The following CRAT variants were observed in gnomAD, a reference collection of about 807,000 sequenced individuals.
CRAT encodes the protein carnitine O-acetyltransferase, also known as carnitine acetylase.
A neutral mutation model predicts 73.7 loss-of-function variants in CRAT; 66 were observed. The ratio of observed to expected loss-of-function variants is 0.90; its 90% CI spans 0.73 to 1.10. The LOEUF (loss-of-function observed/expected upper bound fraction) is 1.10, where lower values mean the gene tolerates loss of function less well. Among genes scored for constraint, CRAT ranks in the 50% least tolerant of loss-of-function variants. The pLI, the probability that CRAT is intolerant of heterozygous loss-of-function variation, is 0.00. For missense variants in CRAT, 745 were observed against 846.9 expected, an observed-to-expected ratio of 0.88 and a Z score of 1.49; for synonymous variants, 321 against 343.2, an observed-to-expected ratio of 0.94 and a Z score of 0.71.
Position 129,097,325 on chromosome 9 carries a change from G to T in CRAT, c.1465-13C>A. 6.4e-7 allele frequency: 1 copy of T among 1,558,906 alleles called. No individual in the cohort carries two copies. The highest frequency in any genetic ancestry group is 2.0e-5 in the Admixed American group (1 of 51,226). On this transcript the variant is annotated splice_polypyrimidine_tract_variant and intron_variant, in intron 11 of 13. Coordinates refer to ENST00000318080, the MANE Select transcript of CRAT (RefSeq NM_000755.5). ...CCTTCTGGTGCTCCTAGAGTGGTGA[G>T]GGTCAGAGGGAGCTGAAGCACTGTC...
At chr9:129,108,442 G>C in intron 1 of CRAT, 1 of 1,172,348 alleles carries the variant, frequency 8.5e-7, no homozygotes, top group South Asian at 1.9e-5. Flanking sequence ...AGTGGTGACT[G>C]TCCCTCTTGG....
intron 6 of CRAT, 43 bp from the exon 7 acceptor site, chr9:129,100,732 T>C (rs772328142): frequency 3.8e-6 from 6 of 1,583,398 alleles, no homozygotes; most frequent in Admixed American, 1.8e-5. Context: ...TGGGGTCTCA[T>C]GGTGTGGGAG....
intron 1 of CRAT, chr9:129,108,460 C>T (rs1037798064): frequency 1.9e-5 from 22 of 1,170,512 alleles, no homozygotes; most frequent in Non-Finnish European, 2.3e-5. Flanking sequence ...TGGAGGTCCC[C>T]ACGTCCTTTT....
intron 2 of CRAT, among the ~76,000 whole-genome samples, chr9:129,105,613 C>G (rs12005112): frequency 0.034 from 5,202 of 152,258 alleles, 303 homozygotes; most frequent in African/African-American, 0.12. Context: ...TGAGCCACCG[C>G]GTCTGGCCCA....
intron 8 of CRAT, among the ~76,000 whole-genome samples, chr9:129,099,142 CT>C (rs58079634): frequency 0.014 from 1,783 of 130,326 alleles, 33 homozygotes; most frequent in East Asian, 0.11. Flanking sequence ...GCGTGGCTAA[CT>C]TTTTTTTTTT....
rs567549389 is a variant in CRAT at position 129,099,988 on chromosome 9, C to A, written c.985-22G>T. ...TGAACTGTGGAAGGGAAGGGAGACC[C>A]CGGTCAGCCCCAGGGCCCTGGGGGG... On this transcript the variant is annotated intron_variant, in intron 7 of 13. Transcript: ENST00000318080. 7.5e-6 allele frequency: 12 copies of A among 1,609,542 alleles called. No homozygotes were observed. In the South Asian group the frequency reaches 8.8e-5, roughly 12 times the overall value.
At chr9:129,100,411 G>C in intron 7 of CRAT, 100 bp downstream of exon 7, 1 of 1,297,828 alleles carries the variant, frequency 7.7e-7, no homozygotes. Flanking sequence ...TTACAAGCTA[G>C]GAGGCTGGGG....
Position 129,095,545 on chromosome 9 carries a change from T to G in CRAT, c.1733A>C (p.Tyr578Ser), listed in dbSNP as rs774823632. 1 of 1,613,512 alleles carries G rather than the reference T, an allele frequency of 6.2e-7. No individual in the cohort carries two copies. The highest frequency in any genetic ancestry group is 1.7e-5 in the Admixed American group (1 of 60,024). Residue 578 changes from tyrosine to serine, a missense_variant, in exon 14 of 14, where the codon TAT (tyrosine) becomes TCT (serine). Tyr to Ser is a moderately radical substitution (Grantham distance 144). Transcript: ENST00000318080. ...PVVPDGYGVC[Y>S]NPMEAHINFS... ...GTTGATGTGGGCCTCCATGGGGTTA[T>G]AGCAGACACCGTAGCCGTCGGGGAC...
In CRAT at chr9:129,098,143, T is replaced by C. The variant is rs1847406625; in HGVS notation, c.1334A>G (p.Tyr445Cys). The change falls in exon 11 of 14, where the codon TAC (tyrosine) becomes TGC (cysteine). Residue 445 changes from tyrosine (Y) to cysteine (C), a missense_variant. Transcript: ENST00000318080. Reference protein sequence around the residue: ...MALQLAYYRIYGQACATYESA... With the variant: ...MALQLAYYRICGQACATYESA... Reference sequence around the variant, plus strand: ...TTCATAGGTGGCACATGCCTGTCCGTAGATCCTGGTGGGAAATGGGGCTAA... The same window carrying C: ...TTCATAGGTGGCACATGCCTGTCCGCAGATCCTGGTGGGAAATGGGGCTAA... 2 of 1,613,820 alleles carry C rather than the reference T, an allele frequency of 1.2e-6. No individual in the cohort carries two copies. The highest frequency in any genetic ancestry group is 1.7e-6 in the Non-Finnish European group (2 of 1,180,030).
chr9:129,107,527 T>C lies in CRAT; in HGVS notation c.291+287A>G, dbSNP rs1848087125. ...AAGCACAAGGGCATCTTCTATCTGG[T>C]TGTACCTGCCGTGCACCCCACTCCT... On this transcript the variant is annotated intron_variant, in intron 2 of 13. Transcript: ENST00000318080. This position sits in a 1 kb window ranked among gnomAD's most constrained non-coding sequence, Gnocchi z 5.0. The C allele has an allele frequency of 1.6e-6, 1 of 643,766 alleles. No individual in the cohort carries two copies. Among genetic ancestry groups the C allele is most frequent in the Admixed American group, 2.1e-5 (1 of 46,656 alleles). The allele number at this position is 643,766 out of a possible 1,614,324, so 39.9% of individuals were successfully genotyped here. A position where few individuals can be genotyped will look rare whatever the true frequency, so the allele number is the denominator to read the frequency against.
At position 129,102,414 on chromosome 9, in the gene CRAT, C is replaced by A. The variant is rs865809934; in HGVS notation, c.616G>T (p.Val206Leu). 2 of 1,614,116 alleles carry A rather than the reference C, an allele frequency of 1.2e-6. No homozygotes were observed. The highest frequency in any genetic ancestry group is 1.7e-6 in the Non-Finnish European group (2 of 1,179,984). Residue 206 changes from valine to leucine, a missense_variant, in exon 5 of 14, where the codon GTA becomes TTA. Coordinates refer to ENST00000318080, the MANE Select transcript of CRAT (RefSeq NM_000755.5). ...TKKPPTHITV[V>L]HNYQFFELDV... ...GGGCCACCCACCTGGTAGTTGTGTA[C>A]CACGGTGATGTGCGTGGGAGGCTTC... is the stretch of plus-strand genomic sequence containing the variant.
chr9:129,109,308 C>T lies in CRAT; in HGVS notation c.27+1175G>A, dbSNP rs761015047. The T allele has an allele frequency of 2.7e-5, 35 of 1,300,364 alleles. No individual in the cohort carries two copies. In the South Asian group the frequency reaches 3.1e-4, roughly 11 times the overall value. The allele number at this position is 1,300,364 out of a possible 1,614,324, so 80.6% of individuals were successfully genotyped here. A position where few individuals can be genotyped will look rare whatever the true frequency, so the allele number is the denominator to read the frequency against. Reference sequence around the variant, plus strand: ...ATTAGGGTTGGTGCAAGGGAGCAGACACCAGGAAAAGGCCATCAGTGGATG... The same window carrying T: ...ATTAGGGTTGGTGCAAGGGAGCAGATACCAGGAAAAGGCCATCAGTGGATG... On this transcript the variant is annotated intron_variant, in intron 1 of 13. Transcript: ENST00000318080.
chr9:129,104,347 C>T, intron 2 of CRAT, 41 bp from the exon 3 acceptor site: 1 of 1,499,476 alleles, frequency 6.7e-7, no homozygotes, highest in Non-Finnish European at 9.3e-7. Flanking sequence ...GGTGCATGGG[C>T]CCTGGTGCCC....
At position 129,098,557 on chromosome 9, in the gene CRAT, G is replaced by A. The variant is rs1198735780; in HGVS notation, c.1179C>T (p.Ile393=). 26 of 1,607,554 alleles carry A rather than the reference G, an allele frequency of 1.6e-5. No individual in the cohort carries two copies. Among genetic ancestry groups the A allele is most frequent in the South Asian group, 2.2e-5 (2 of 90,288 alleles). ...TGCTGAGGTTCTGCTTGGCCTTCTCGATGTCGCTCTTGATCTCGGGGGTGA... is the reference window on the plus strand; with the variant it reads ...TGCTGAGGTTCTGCTTGGCCTTCTCAATGTCGCTCTTGATCTCGGGGGTGA... The part of the protein sequence containing the change: ...FNITPEIKSD[I]EKAKQNLSIM... Residue 393 remains isoleucine (I), a synonymous_variant, in exon 9 of 14, where the codon ATC becomes ATT. Coordinates refer to ENST00000318080, the MANE Select transcript of CRAT (RefSeq NM_000755.5).
Position 129,103,058 on chromosome 9 carries a change from G to C in CRAT, c.419C>G (p.Ala140Gly), listed in dbSNP as rs1172757435. Reference protein sequence around the residue: ...VDLQGQLRFAAKLIEGVLDFK... With the variant: ...VDLQGQLRFAGKLIEGVLDFK... ...ATCCAACACACCCTCAATGAGTTTGGCAGCAAATCTGGAAAGATTGATTAG... is the reference window on the plus strand; with the variant it reads ...ATCCAACACACCCTCAATGAGTTTGCCAGCAAATCTGGAAAGATTGATTAG... Residue 140 changes from alanine to glycine, a missense_variant, in exon 4 of 14, where the codon GCC (alanine) becomes GGC (glycine). Coordinates refer to ENST00000318080, the MANE Select transcript of CRAT (RefSeq NM_000755.5). The surrounding 1 kb of genome is among the most constrained non-coding windows in gnomAD (Gnocchi z 4.6). The C allele has an allele frequency of 1.9e-6, 3 of 1,614,010 alleles. No individual in the cohort carries two copies. Among genetic ancestry groups the C allele is most frequent in the Non-Finnish European group, 2.5e-6 (3 of 1,179,958 alleles).
At position 129,098,663 on chromosome 9, in the gene CRAT, C is replaced by T. The variant is rs375010698; in HGVS notation, c.1086-13G>A. ...CTCGGGTTTCTTCCTGCACAGTAAACGGGGCCTCAGGCTCATGCTGGTGCC... is the reference window on the plus strand; with the variant it reads ...CTCGGGTTTCTTCCTGCACAGTAAATGGGGCCTCAGGCTCATGCTGGTGCC... On this transcript the variant is annotated splice_polypyrimidine_tract_variant and intron_variant, in intron 8 of 13. Transcript: ENST00000318080. 8.8e-5 allele frequency: 140 copies of T among 1,597,618 alleles called. 1 individual carries two copies. In the East Asian group the frequency reaches 1.3e-3, roughly 15 times the overall value.
In CRAT at chr9:129,100,681, T is replaced by G. The variant is rs1356890026; in HGVS notation, c.814A>C (p.Asn272His). The change falls in exon 7 of 14, where the codon AAC (asparagine) becomes CAC (histidine). Residue 272 changes from asparagine to histidine, a missense_variant. Asn to His is a moderately conservative substitution (Grantham distance 68). Coordinates refer to ENST00000318080, the MANE Select transcript of CRAT (RefSeq NM_000755.5). Reference protein sequence around the residue: ...AYNTLIKDKVNRDSVRSIQKS... With the variant: ...AYNTLIKDKVHRDSVRSIQKS... ...TGGATGGAGCGCACGGAATCCCGGT[T>G]CACCTTGTCTGCAGGTGGCATGGGG... The G allele has an allele frequency of 6.2e-7, 1 of 1,613,348 alleles. No homozygotes were observed. Among genetic ancestry groups the G allele is most frequent in the African/African-American group, 1.3e-5 (1 of 75,034 alleles).
chr9:129,095,653 G>A, intron 13 of CRAT, 41 bp from the exon 14 acceptor site: 1 of 1,579,248 alleles, frequency 6.3e-7, no homozygotes, highest in African/African-American at 1.3e-5. Flanking sequence ...CCCCTACCTT[G>A]ACGCCCCCAG....
At position 129,107,673 on chromosome 9, in the gene CRAT, G is replaced by T; in HGVS notation, c.291+141C>A. On this transcript the variant is annotated intron_variant, in intron 2 of 13. Transcript: ENST00000318080. The surrounding 1 kb of genome is among the most constrained non-coding windows in gnomAD (Gnocchi z 5.0). ...TGACTGTGTCCTTCTTGATCACCCA[G>T]CACCCTGCCAAGTGCCAGACACAGA... The T allele has an allele frequency of 8.4e-7, 1 of 1,193,544 alleles. No individual in the cohort carries two copies. Among genetic ancestry groups the T allele is most frequent in the Non-Finnish European group, 1.2e-6 (1 of 817,600 alleles). 73.9% of individuals were successfully genotyped at this position (1,193,544 alleles called of 1,614,324 possible).
Sources: gnomAD v4.1 joint callset for allele counts (sites outside exome capture counted in the v4.1 genomes callset) on GRCh38, gnomAD v4.1.1 for gene constraint, Gnocchi (gnomAD v3.1) non-coding constraint, MANE v1.5 for transcripts, NCBI Gene and HGNC (gene_info 2026-07-23, HGNC 2026-07-21) for gene names.